The following CPNE4 variants were observed in gnomAD, a reference collection of about 807,000 sequenced individuals.
CPNE4 encodes the protein copine-4.
CPNE4 carries 25 observed loss-of-function variants against 67.9 expected under a neutral mutation model. The ratio of observed to expected loss-of-function variants is 0.37; its 90% CI spans 0.27 to 0.51. The LOEUF (loss-of-function observed/expected upper bound fraction) is 0.51, where lower values mean the gene tolerates loss of function less well. Ranked by LOEUF, CPNE4 falls within the 20% of genes least tolerant of loss-of-function variation. The pLI is 0.93. For missense variants in CPNE4, 464 were observed against 690.8 expected, an observed-to-expected ratio of 0.67 and a Z score of 3.68; for synonymous variants, 242 against 244.9, an observed-to-expected ratio of 0.99 and a Z score of 0.11.
chr3:131,610,597 A>G (rs1305709472), intron 7 of CPNE4, among the ~76,000 whole-genome samples: 1 of 152,144 alleles, frequency 6.6e-6, no homozygotes, highest in Non-Finnish European at 1.5e-5. Context: ...CTGTTTTTAG[A>G]TATCCCTGGC....
chr3:131,727,400 C>T (rs2082025971), intron 2 of CPNE4, among the ~76,000 whole-genome samples: 1 of 151,896 alleles, frequency 6.6e-6, no homozygotes, highest in Admixed American at 6.6e-5. Context: ...CAAGACCATC[C>T]TGCCTAACAT....
rs111608099 is a variant in CPNE4, at chr3:131,631,300, C to G, written c.681+38375G>C. Among the ~76,000 whole-genome samples, 352 of 152,144 alleles carry G rather than the reference C, an allele frequency of 2.3e-3. 2 individuals are homozygous for G. The highest frequency in any genetic ancestry group is 7.7e-3 in the African/African-American group (319 of 41,504). On this transcript the variant is annotated intron_variant, in intron 7 of 15. Transcript: ENST00000429747. ...GAAATTTTCTATGTCTTTAGCTTTCCCCAATCCAATCCCCATCCTTTGACA... is the reference window on the plus strand; with the variant it reads ...GAAATTTTCTATGTCTTTAGCTTTCGCCAATCCAATCCCCATCCTTTGACA...
intron 6 of CPNE4, among the ~76,000 whole-genome samples, chr3:131,670,912 C>T (rs2080395636): frequency 6.6e-6 from 1 of 152,032 alleles, no homozygotes; most frequent in South Asian, 2.1e-4. Context: ...CATCAGCCTC[C>T]CAAGTGGCTG....
intron 4 of CPNE4, among the ~76,000 whole-genome samples, chr3:131,699,561 T>C (rs2081243183): frequency 6.6e-6 from 1 of 152,234 alleles, no homozygotes; most frequent in South Asian, 2.1e-4. Context: ...CTTTGAAGCT[T>C]TGATTGTGTG....
chr3:131,586,271 G>A (rs1470702827), intron 8 of CPNE4, among the ~76,000 whole-genome samples: 4 of 152,166 alleles, frequency 2.6e-5, no homozygotes, highest in African/African-American at 9.7e-5. Flanking sequence ...CTTGGGTTGA[G>A]TTCCCCAAGA....
intron 2 of CPNE4, among the ~76,000 whole-genome samples, chr3:131,819,454 G>A (rs1373481058): frequency 6.7e-6 from 1 of 150,282 alleles, no homozygotes; most frequent in Non-Finnish European, 1.5e-5. Flanking sequence ...GCATTTTACA[G>A]TAAAGGGACA....
intron 1 of CPNE4, among the ~76,000 whole-genome samples, chr3:131,978,749 T>C (rs1431506579): frequency 6.6e-6 from 1 of 150,452 alleles, no homozygotes; most frequent in East Asian, 2.0e-4. Context: ...GTTTGGTTTG[T>C]TCCTGTTTTT....
intron 10 of CPNE4, among the ~76,000 whole-genome samples, chr3:131,569,612 C>CT (rs1937228289): frequency 6.9e-6 from 1 of 145,626 alleles, no homozygotes; most frequent in Non-Finnish European, 1.5e-5. Flanking sequence ...CACTGCACTC[C>CT]GGGAAACAGA....
intron 1 of CPNE4, among the ~76,000 whole-genome samples, chr3:132,012,947 G>A (rs976423763): frequency 6.6e-6 from 1 of 152,212 alleles, no homozygotes; most frequent in African/African-American, 2.4e-5. Context: ...TCTTGGCTGG[G>A]CACAGTGGCT....
chr3:131,612,242 C>T (rs145606029), intron 7 of CPNE4, among the ~76,000 whole-genome samples: 2,657 of 152,102 alleles, frequency 0.017, 81 homozygotes, highest in African/African-American at 0.06. Context: ...GGCGTGGTGG[C>T]GGGCACCTGT....
intron 7 of CPNE4, among the ~76,000 whole-genome samples, chr3:131,638,573 G>C (rs965430009): frequency 6.6e-6 from 1 of 152,030 alleles, no homozygotes; most frequent in Non-Finnish European, 1.5e-5. Context: ...ACATATAGTG[G>C]GGGACTTTAA....
chr3:131,927,812 C>A (rs571225725), intron 1 of CPNE4, among the ~76,000 whole-genome samples: 14 of 152,274 alleles, frequency 9.2e-5, no homozygotes, highest in African/African-American at 3.4e-4. Flanking sequence ...GTCTTTGTAG[C>A]AGGACATAGA....
chr3:131,656,054 T>A (rs958827539), intron 7 of CPNE4, among the ~76,000 whole-genome samples: 3 of 60,608 alleles, frequency 4.9e-5, no homozygotes, highest in Admixed American at 2.1e-4. Context: ...ATACTGTTTC[T>A]TTTTTTTTTT....
At chr3:131,630,432 A>G (rs1010090793) in intron 7 of CPNE4, among the ~76,000 whole-genome samples, 1 of 152,224 alleles carries the variant, frequency 6.6e-6, no homozygotes, top group Non-Finnish European at 1.5e-5. Context: ...GTGCAGTGAA[A>G]AAACCTCAAA....
chr3:131,920,683 C>A (rs1308765155), intron 1 of CPNE4, among the ~76,000 whole-genome samples: 1 of 151,790 alleles, frequency 6.6e-6, no homozygotes, highest in African/African-American at 2.4e-5. Context: ...TCTCCGGAAC[C>A]AGGAACTAGG....
Position 131,715,018 on chromosome 3 carries a change from A to C in CPNE4, c.360+8428T>G, listed in dbSNP as rs2081649223. ...ACAACAATGAAGAGAAGATGACTTCACACAGTCATAACTGTCTCCAAACCA... is the reference window on the plus strand; with the variant it reads ...ACAACAATGAAGAGAAGATGACTTCCCACAGTCATAACTGTCTCCAAACCA... On this transcript the variant is annotated intron_variant, in intron 3 of 15. Transcript: ENST00000429747. Among the ~76,000 whole-genome samples the C allele has an allele frequency of 5.6e-5, 5 of 88,714 alleles. No individual in the cohort carries two copies. The Admixed American group carries it at 6.0e-4, about 11-fold the overall frequency. 58.2% of individuals were successfully genotyped at this position (88,714 alleles called of 152,430 possible).
chr3:131,674,735 ATTTTCT>A (rs2080516103), intron 6 of CPNE4, among the ~76,000 whole-genome samples: 1 of 150,534 alleles, frequency 6.6e-6, no homozygotes, highest in East Asian at 1.9e-4. Context: ...AGTTTTATCA[ATTTTCT>A]TTATCTTTTC....
chr3:131,735,606 A>T (rs926436752), intron 2 of CPNE4, among the ~76,000 whole-genome samples: 1 of 152,228 alleles, frequency 6.6e-6, no homozygotes, highest in Non-Finnish European at 1.5e-5. Flanking sequence ...AAATACATAT[A>T]TTAATATCCA....
intron 11 of CPNE4, among the ~76,000 whole-genome samples, chr3:131,561,638 A>G (rs1552369): frequency 0.95 from 144,733 of 152,114 alleles, 69,209 homozygotes; most frequent in Middle Eastern, 1. Flanking sequence ...GGCTGCCAGA[A>G]GCTGGGAGGA....
Sources: allele counts gnomAD v4.1 joint callset (sites outside exome capture counted in the v4.1 genomes callset), GRCh38; gene constraint gnomAD v4.1.1; transcripts MANE v1.5; gene names NCBI Gene and HGNC (gene_info 2026-07-23, HGNC 2026-07-21).